Variants in GRM8 observed in about 807,000 individuals in gnomAD.
GRM8 encodes metabotropic glutamate receptor 8.
A neutral mutation model predicts 87.2 loss-of-function variants in GRM8; 47 were observed. The observed-to-expected ratio is 0.54, with a 90% confidence interval of 0.43 to 0.69. The LOEUF (loss-of-function observed/expected upper bound fraction) is 0.69, where lower values mean the gene tolerates loss of function less well. Among genes scored for constraint, GRM8 ranks in the 30% least tolerant of loss-of-function variants. The probability of loss-of-function intolerance (pLI) is 0.00; values close to 1 mark genes in which losing one functional copy is unlikely to be tolerated. For missense variants in GRM8, 1,019 were observed against 1,139.2 expected (o/e 0.89, Z 1.52); for synonymous variants, 396 against 404.5 (o/e 0.98, Z 0.25).
At chr7:127,206,422 G>A (rs971911468) in intron 2 of GRM8, among the ~76,000 whole-genome samples, 12 of 152,278 alleles carry the variant, frequency 7.9e-5, no homozygotes, top group Admixed American at 5.9e-4. Flanking sequence ...GGCATTCCCT[G>A]GCTATCAACT....
chr7:127,008,935 C>T (rs946693740), intron 3 of GRM8, among the ~76,000 whole-genome samples: 1 of 152,112 alleles, frequency 6.6e-6, no homozygotes, highest in Non-Finnish European at 1.5e-5. Flanking sequence ...CATTAAGAAG[C>T]ATTACATAAC....
At chr7:126,743,549 T>C (rs1314732589) in intron 7 of GRM8, among the ~76,000 whole-genome samples, 2 of 152,112 alleles carry the variant, frequency 1.3e-5, no homozygotes, top group South Asian at 2.1e-4. Flanking sequence ...AACATAGCCA[T>C]TGCTAAACAT....
At chr7:126,716,864 G>A (rs1446152594) in intron 7 of GRM8, among the ~76,000 whole-genome samples, 1 of 152,154 alleles carries the variant, frequency 6.6e-6, no homozygotes. Context: ...CATGAGTGGA[G>A]GGGTTATTCT....
At chr7:126,964,009 C>T (rs774783626) in intron 3 of GRM8, among the ~76,000 whole-genome samples, 11 of 152,104 alleles carry the variant, frequency 7.2e-5, no homozygotes, top group Admixed American at 2.0e-4. Flanking sequence ...AGAAATAACA[C>T]CAAACATCTA....
At chr7:127,074,530 A>G (rs367752867) in intron 3 of GRM8, among the ~76,000 whole-genome samples, 5 of 152,148 alleles carry the variant, frequency 3.3e-5, no homozygotes, top group Non-Finnish European at 7.3e-5. Flanking sequence ...CAGCAACTCA[A>G]TTTTGCTAGC....
chr7:126,924,997 AAGATAT>A (rs913610123), intron 3 of GRM8, among the ~76,000 whole-genome samples: 3 of 152,302 alleles, frequency 2.0e-5, no homozygotes, highest in African/African-American at 7.2e-5. Context: ...AGAGAAAGAA[AAGATAT>A]AGAAATGGAG....
chr7:126,966,877 A>G (rs1809925208), intron 3 of GRM8, among the ~76,000 whole-genome samples: 1 of 152,200 alleles, frequency 6.6e-6, no homozygotes, highest in Non-Finnish European at 1.5e-5. Context: ...TCTGATGGAC[A>G]AAAGTCATGG....
At chr7:127,220,459 T>G (rs1362213425) in intron 2 of GRM8, among the ~76,000 whole-genome samples, 1 of 152,168 alleles carries the variant, frequency 6.6e-6, no homozygotes, top group African/African-American at 2.4e-5. Context: ...AAGCTGAAGT[T>G]CAGATGCTGA....
intron 2 of GRM8, among the ~76,000 whole-genome samples, chr7:127,122,142 A>G (rs933146288): frequency 6.6e-6 from 1 of 152,210 alleles, no homozygotes; most frequent in Non-Finnish European, 1.5e-5. Context: ...ATCCTAGGAA[A>G]GCACTTTGTA....
chr7:126,908,655 T>C (rs1289075069), intron 3 of GRM8, among the ~76,000 whole-genome samples: 3 of 152,248 alleles, frequency 2.0e-5, no homozygotes, highest in Non-Finnish European at 4.4e-5. Context: ...CATTGATTTA[T>C]TTATTCACCA....
At position 126,776,647 on chromosome 7, in the gene GRM8, G is replaced by C. The variant is rs377357871; in HGVS notation, c.1157-6582C>G. The stretch of plus-strand genomic sequence containing the variant: ...ACACTGGCATAATCAAAGAAGCTAC[G>C]TTGGAGTAGAGCACCTTATGCAATG... On this transcript the variant is annotated intron_variant, in intron 6 of 10. Transcript: ENST00000339582. Among the ~76,000 whole-genome samples the C allele has an allele frequency of 3.2e-4, 49 of 152,274 alleles. No individual in the cohort carries two copies. In the East Asian group the frequency reaches 8.3e-3, roughly 26 times the overall value.
At chr7:126,547,626 G>A (rs1183803906) in intron 8 of GRM8, among the ~76,000 whole-genome samples, 1 of 151,672 alleles carries the variant, frequency 6.6e-6, no homozygotes, top group Non-Finnish European at 1.5e-5. Context: ...AGAAATAAAT[G>A]AAGCAAAAAA....
intron 3 of GRM8, among the ~76,000 whole-genome samples, chr7:126,908,330 C>G (rs1375124457): frequency 1.3e-5 from 2 of 152,090 alleles, no homozygotes; most frequent in Non-Finnish European, 2.9e-5. Context: ...GGAATGAAGT[C>G]TAGAGGTAAG....
chr7:127,117,394 C>G (rs117628497), intron 2 of GRM8, among the ~76,000 whole-genome samples: 2 of 152,176 alleles, frequency 1.3e-5, no homozygotes, highest in Non-Finnish European at 2.9e-5. Flanking sequence ...AGGCAGCATC[C>G]CAGGGAGACA....
At chr7:126,703,571 G>A (rs1027653566) in intron 7 of GRM8, among the ~76,000 whole-genome samples, 2 of 152,068 alleles carry the variant, frequency 1.3e-5, no homozygotes, top group African/African-American at 2.4e-5. Context: ...CACCTTTTTC[G>A]TTTTTTATAC....
intron 9 of GRM8, among the ~76,000 whole-genome samples, chr7:126,500,436 G>A (rs1306213203): frequency 6.6e-6 from 1 of 151,864 alleles, no homozygotes; most frequent in Non-Finnish European, 1.5e-5. Flanking sequence ...TAACCCAACA[G>A]CAACTTTTGC....
At chr7:126,502,356 A>G (rs1432933510) in intron 9 of GRM8, among the ~76,000 whole-genome samples, 2 of 152,062 alleles carry the variant, frequency 1.3e-5, no homozygotes, top group African/African-American at 2.4e-5. Flanking sequence ...GCCTCCCTCT[A>G]AGATCTGTTT....
At chr7:127,019,107 C>A (rs1300843781) in intron 3 of GRM8, among the ~76,000 whole-genome samples, 1 of 151,964 alleles carries the variant, frequency 6.6e-6, no homozygotes. Context: ...AAATAGAAAC[C>A]ATTTCAAGTC....
intron 3 of GRM8, among the ~76,000 whole-genome samples, chr7:126,909,117 G>A (rs1803014441): frequency 6.6e-6 from 1 of 152,154 alleles, no homozygotes; most frequent in Non-Finnish European, 1.5e-5. Flanking sequence ...ATGACAATAT[G>A]TACACATAAG....
Sources: gnomAD v4.1 joint callset for allele counts (sites outside exome capture counted in the v4.1 genomes callset) on GRCh38, gnomAD v4.1.1 for gene constraint, MANE v1.5 for transcripts, NCBI Gene and HGNC (gene_info 2026-07-23, HGNC 2026-07-21) for gene names.